The following SLC22A14 variants were observed in gnomAD, a reference collection of about 807,000 sequenced individuals.
SLC22A14 encodes the protein solute carrier family 22 member 14.
Under a neutral mutation model 53.9 loss-of-function variants are expected in SLC22A14, and 50 were observed. That is an observed-to-expected ratio of 0.93 (90% CI 0.74 to 1.17). The LOEUF is 1.17. Among genes scored for constraint, SLC22A14 ranks in the 50% most tolerant of loss-of-function variants. The pLI, the probability that SLC22A14 is intolerant of heterozygous loss-of-function variation, is 0.00. For missense variants in SLC22A14, 671 were observed against 734.7 expected, an observed-to-expected ratio of 0.91 and a Z score of 1.00; for synonymous variants, 312 against 303.0, an observed-to-expected ratio of 1.03 and a Z score of -0.31.
Position 38,306,375 on chromosome 3 carries a change from A to T in SLC22A14, c.349A>T (p.Asn117Tyr). ...GPHLSKAEQL[N>Y]LTIPQAPNGS... The stretch of plus-strand genomic sequence containing the variant: ...CCACCTGTCCAAAGCTGAGCAGCTG[A>T]ATCTGACCATACCCCAAGCACCCAA... The change falls in exon 2 of 11, where the codon AAT becomes TAT. Residue 117 changes from asparagine (N) to tyrosine (Y), a missense_variant. Transcript: ENST00000448498. 1 of 1,614,182 alleles carries T rather than the reference A, an allele frequency of 6.2e-7. No individual in the cohort carries two copies. Among genetic ancestry groups the T allele is most frequent in the East Asian group, 2.2e-5 (1 of 44,880 alleles).
intron 1 of SLC22A14, chr3:38,305,591 C>T (rs1334240875): frequency 5.7e-6 from 1 of 174,284 alleles, no homozygotes; most frequent in Non-Finnish European, 1.2e-5. Context: ...GGCTTCCAGC[C>T]TCCCACCTTG....
intron 1 of SLC22A14, among the ~76,000 whole-genome samples, chr3:38,294,094 C>T (rs1339541517): frequency 6.6e-6 from 1 of 151,664 alleles, no homozygotes; most frequent in Admixed American, 6.6e-5. Flanking sequence ...CCTCCTACTG[C>T]TTGGAGGGGG....
intron 1 of SLC22A14, among the ~76,000 whole-genome samples, chr3:38,299,782 G>T (rs529112561): frequency 6.6e-6 from 1 of 152,244 alleles, no homozygotes; most frequent in East Asian, 1.9e-4. Context: ...GGCTGGTGTT[G>T]AATTCCTGGG....
intron 1 of SLC22A14, among the ~76,000 whole-genome samples, chr3:38,304,795 C>T (rs1212714142): frequency 3.3e-5 from 5 of 152,100 alleles, no homozygotes; most frequent in Non-Finnish European, 4.4e-5. Context: ...ATTTATCGTG[C>T]CTAAGTTACA....
At chr3:38,303,919 T>TG (rs1168072355) in intron 1 of SLC22A14, 1 of 152,116 alleles carries the variant, frequency 6.6e-6, no homozygotes, top group Non-Finnish European at 1.5e-5. Context: ...CCGGGCGCGG[T>TG]GGCTCACGCC....
intron 1 of SLC22A14, among the ~76,000 whole-genome samples, chr3:38,282,599 C>T (rs940208936): frequency 3.9e-5 from 6 of 152,138 alleles, no homozygotes; most frequent in Admixed American, 3.9e-4. Context: ...CTATGCTTCT[C>T]CCAGGCCTCA....
chr3:38,280,023 G>A (rs972663620), upstream of SLC22A14, among the ~76,000 whole-genome samples: 2 of 152,204 alleles, frequency 1.3e-5, no homozygotes, highest in African/African-American at 4.8e-5. Flanking sequence ...TGGAACCAAT[G>A]TGGCCAACTA....
rs1703776376 is a variant in SLC22A14 at position 38,285,696 on chromosome 3, A to T, written c.-1+3357A>T. Among the ~76,000 whole-genome samples, 3 of 152,114 alleles carry T rather than the reference A, an allele frequency of 2.0e-5. No individual in the cohort carries two copies. In the South Asian group the frequency reaches 6.2e-4, roughly 32 times the overall value. ...CTACAATTTAGGCATTCTTTCATTGATGTGCATTTGGGCTCTTTTTTCACA... is the reference window on the plus strand; with the variant it reads ...CTACAATTTAGGCATTCTTTCATTGTTGTGCATTTGGGCTCTTTTTTCACA... On this transcript the variant is annotated intron_variant, in intron 1 of 10. Transcript: ENST00000448498.
chr3:38,284,971 C>T (rs1703758195), intron 1 of SLC22A14, among the ~76,000 whole-genome samples: 1 of 152,136 alleles, frequency 6.6e-6, no homozygotes, highest in African/African-American at 2.4e-5. Flanking sequence ...ACTTCTTGGA[C>T]CTTAGCCCAG....
chr3:38,291,591 G>A (rs1447533051), intron 1 of SLC22A14, among the ~76,000 whole-genome samples: 1 of 152,208 alleles, frequency 6.6e-6, no homozygotes, highest in East Asian at 1.9e-4. Flanking sequence ...CGTAAACAGT[G>A]AGGCCAACCT....
upstream of SLC22A14, among the ~76,000 whole-genome samples, chr3:38,280,105 C>T (rs559645438): frequency 6.6e-5 from 10 of 152,346 alleles, no homozygotes; most frequent in Admixed American, 3.3e-4. Flanking sequence ...TCACTCCCCC[C>T]GTACCTGCCC....
At chr3:38,312,763 C>A (rs900601950) in intron 5 of SLC22A14, among the ~76,000 whole-genome samples, 6 of 152,116 alleles carry the variant, frequency 3.9e-5, no homozygotes, top group African/African-American at 1.4e-4. Flanking sequence ...CAGAGGCAGC[C>A]GGTGGTCAGG....
Position 38,313,447 on chromosome 3 carries a change from G to C in SLC22A14, c.1125G>C (p.Arg375Ser). Residue 375 changes from arginine to serine, a missense_variant, in exon 7 of 11, where the codon AGG (arginine) becomes AGC (serine). Arg to Ser is a moderately radical substitution (Grantham distance 110). Coordinates refer to ENST00000448498, the MANE Select transcript of SLC22A14 (RefSeq NM_001320033.2). ...CTGTCCTGGACTTCTGTAAGAATAG[G>C]CAGCTCTGCAAGGTGACCTTGGTGA... ...RASVLDFCKN[R>S]QLCKVTLVMS... The C allele has an allele frequency of 6.2e-7, 1 of 1,613,910 alleles. No homozygotes were observed. The highest frequency in any genetic ancestry group is 8.5e-7 in the Non-Finnish European group (1 of 1,179,788).
Position 38,307,915 on chromosome 3 carries a change from G to A in SLC22A14, c.775+195G>A. 1 of 615,384 alleles carries A rather than the reference G, an allele frequency of 1.6e-6. No individual in the cohort carries two copies. The highest frequency in any genetic ancestry group is 1.9e-5 in the South Asian group (1 of 51,698). The allele number at this position is 615,384 out of a possible 1,614,324, so 38.1% of individuals were successfully genotyped here. The stretch of plus-strand genomic sequence containing the variant: ...TGGGATCCCACAGGACACAGAGTCA[G>A]GGGCCTAATTGGACAGGCAGAAGTG... On this transcript the variant is annotated intron_variant, in intron 4 of 10. Transcript: ENST00000448498. This position sits in a 1 kb window ranked among gnomAD's most constrained non-coding sequence, Gnocchi z 4.4.
At chr3:38,282,052 G>A (rs1703680270), upstream of SLC22A14, among the ~76,000 whole-genome samples, 1 of 152,206 alleles carries the variant, frequency 6.6e-6, no homozygotes, top group African/African-American at 2.4e-5. Context: ...TGATAAATGA[G>A]TGATATCTGG....
intron 1 of SLC22A14, among the ~76,000 whole-genome samples, chr3:38,286,035 C>A (rs977640341): frequency 6.6e-6 from 1 of 152,116 alleles, no homozygotes; most frequent in Non-Finnish European, 1.5e-5. Context: ...GAGTTTAAGA[C>A]CAGCCTGACC....
At chr3:38,304,555 A>T (rs942259245) in intron 1 of SLC22A14, among the ~76,000 whole-genome samples, 1 of 151,906 alleles carries the variant, frequency 6.6e-6, no homozygotes, top group Non-Finnish European at 1.5e-5. Context: ...GCCTGGCTAA[A>T]TTTTTTTGAA....
Position 38,318,548 on chromosome 3 carries a change from T to C in SLC22A14, c.*299T>C. The C allele has an allele frequency of 2.9e-6, 1 of 348,502 alleles. No homozygotes were observed. The highest frequency in any genetic ancestry group is 5.3e-6 in the Non-Finnish European group (1 of 187,156). The allele number at this position is 348,502 out of a possible 1,614,324, so 21.6% of individuals were successfully genotyped here. Reference sequence around the variant, plus strand: ...CTGCAGGAGCTCTGCTGTGATTCATTCCAATAAAGGTACAATGTTGGTCTT... The same window carrying C: ...CTGCAGGAGCTCTGCTGTGATTCATCCCAATAAAGGTACAATGTTGGTCTT... On this transcript the variant is annotated 3_prime_UTR_variant, in exon 11 of 11. Transcript: ENST00000448498.
intron 4 of SLC22A14, 93 bp from the exon 5 acceptor site, chr3:38,308,861 A>G (rs1248637269): frequency 3.5e-6 from 4 of 1,150,236 alleles, no homozygotes; most frequent in Non-Finnish European, 5.1e-6. Context: ...TCAACTGTCC[A>G]GAGCAGGTGG....
Sources: gnomAD v4.1 joint callset for allele counts (sites outside exome capture counted in the v4.1 genomes callset) on GRCh38, gnomAD v4.1.1 for gene constraint, Gnocchi (gnomAD v3.1) non-coding constraint, MANE v1.5 for transcripts, NCBI Gene and HGNC (gene_info 2026-07-23, HGNC 2026-07-21) for gene names.